PTCHD1: variants seen among roughly 807,000 people sequenced by gnomAD.
The protein encoded by PTCHD1 is patched domain containing 1.
In PTCHD1, 3 loss-of-function variants were observed where a neutral mutation model predicts 34.6. That is an observed-to-expected ratio of 0.09 (90% CI 0.04 to 0.22). The LOEUF is 0.22. PTCHD1 is among the 10% of genes least tolerant of loss of function. The probability of loss-of-function intolerance (pLI) is 1.00; values close to 1 mark genes in which losing one functional copy is unlikely to be tolerated. For synonymous variants in PTCHD1, 305 were observed against 283.1 expected (o/e 1.08, Z -0.77); for missense variants, 504 against 685.5 (o/e 0.74, Z 2.96).
rs1245864849 is a variant in PTCHD1 at position 23,393,204 on chromosome X, G to C, written c.1686G>C (p.Glu562Asp). ...YSPVIGFYIY[E>D]SIEYWNTSVQ... ...CTGTGATTGGGTTTTACATATATGA[G>C]TCTATAGAATACTGGAACACTAGTG... Residue 562 changes from glutamate (E) to aspartate (D), a missense_variant, in exon 3 of 3, where the codon GAG becomes GAC. Coordinates refer to ENST00000379361, the MANE Select transcript of PTCHD1 (RefSeq NM_173495.3). The C allele has an allele frequency of 8.3e-7, 1 of 1,207,912 alleles. No individual in the cohort carries two copies. The highest frequency in any genetic ancestry group is 1.7e-5 in the African/African-American group (1 of 57,143).
chrX:23,374,533 A>G (rs1272026398), intron 1 of PTCHD1, among the ~76,000 whole-genome samples: 2 of 110,699 alleles, frequency 1.8e-5, no homozygotes, highest in African/African-American at 6.6e-5. Flanking sequence ...GCTTTGTCCC[A>G]GGATCTGGCA....
intron 1 of PTCHD1, among the ~76,000 whole-genome samples, chrX:23,359,659 G>A (rs1322897020): frequency 9.0e-6 from 1 of 111,645 alleles, no homozygotes; most frequent in Non-Finnish European, 1.9e-5. Context: ...TTGCCTGATT[G>A]CCCTGGCCAG....
intron 1 of PTCHD1, among the ~76,000 whole-genome samples, chrX:23,360,510 T>A (rs1435971099): frequency 8.9e-6 from 1 of 112,066 alleles, no homozygotes; most frequent in African/African-American, 3.3e-5. Flanking sequence ...TTTATCATTT[T>A]TTAATGTGTC....
intron 2 of PTCHD1, among the ~76,000 whole-genome samples, chrX:23,385,993 G>T (rs1922678678): frequency 9.1e-6 from 1 of 110,145 alleles, no homozygotes; most frequent in Non-Finnish European, 1.9e-5. Context: ...TATATTGCTT[G>T]AATATTTAAA....
chrX:23,334,519 G>A (rs1452554470), upstream of PTCHD1: 41 of 109,060 alleles, frequency 3.8e-4, no homozygotes, highest in African/African-American at 1.2e-3. Context: ...GCGCTGAGAG[G>A]GGACGCGGCC....
At chrX:23,392,036 TC>T (rs1922841899) in intron 2 of PTCHD1, among the ~76,000 whole-genome samples, 1 of 106,471 alleles carries the variant, frequency 9.4e-6, no homozygotes, top group African/African-American at 3.5e-5. Context: ...TGTTTCATTT[TC>T]TTTCTTTTTT....
chrX:23,338,617 A>T (rs1362459290), intron 1 of PTCHD1, among the ~76,000 whole-genome samples: 1 of 112,364 alleles, frequency 8.9e-6, no homozygotes, highest in African/African-American at 3.2e-5. Flanking sequence ...ATCCCATTTT[A>T]CATATGAGAA....
intron 1 of PTCHD1, among the ~76,000 whole-genome samples, chrX:23,337,287 C>T (rs1007324757): frequency 1.3e-4 from 15 of 112,254 alleles, no homozygotes; most frequent in Non-Finnish European, 2.3e-4. Context: ...AAAACCAAGC[C>T]TAGCAGTGGT....
At position 23,393,558 on chromosome X, in the gene PTCHD1, C is replaced by T. The variant is rs1307620270; in HGVS notation, c.2040C>T (p.Ile680=). Residue 680 remains isoleucine, a synonymous_variant, in exon 3 of 3, where the codon ATC becomes ATT. Coordinates refer to ENST00000379361, the MANE Select transcript of PTCHD1 (RefSeq NM_173495.3). ...CTGTCACCTCCAAGGTGAAGTTCAT[C>T]GTCTTCAATCCGTCCTTTGTATACA... is the stretch of plus-strand genomic sequence containing the variant. ...RLSVTSKVKF[I]VFNPSFVYMD... 2 of 1,211,068 alleles carry T rather than the reference C, an allele frequency of 1.7e-6. No homozygotes were observed. The highest frequency in any genetic ancestry group is 3.0e-5 in the East Asian group (1 of 33,829).
chrX:23,348,749 T>C (rs1918557), intron 1 of PTCHD1, among the ~76,000 whole-genome samples: 31,981 of 110,761 alleles, frequency 0.29, 3,908 homozygotes, highest in East Asian at 0.66. Context: ...AGAAACTGAA[T>C]GAGTTCATCG....
Position 23,393,446 on chromosome X carries a change from T to A in PTCHD1, c.1928T>A (p.Val643Glu), listed in dbSNP as rs1922890814. 9.9e-6 allele frequency: 12 copies of A among 1,210,104 alleles called. No homozygotes were observed. Among genetic ancestry groups the A allele is most frequent in the Non-Finnish European group, 1.2e-5 (11 of 893,766 alleles). Residue 643 changes from valine to glutamate, a missense_variant, in exon 3 of 3, where the codon GTG becomes GAG. Transcript: ENST00000379361. ...AAATACAATGATGAGGTCGATGTAG[T>A]GGCCTCCAGAATGTTTTTGGTGGCC... The part of the protein sequence containing the change: ...SKKYNDEVDV[V>E]ASRMFLVAKT...
chrX:23,352,706 A>G (rs1921672165), intron 1 of PTCHD1, among the ~76,000 whole-genome samples: 1 of 111,369 alleles, frequency 9.0e-6, no homozygotes, highest in Non-Finnish European at 1.9e-5. Flanking sequence ...AGTAACTCAA[A>G]TATACTGTAC....
intron 1 of PTCHD1, among the ~76,000 whole-genome samples, chrX:23,364,749 CT>C (rs1455498867): frequency 8.9e-6 from 1 of 112,544 alleles, no homozygotes; most frequent in Non-Finnish European, 1.9e-5. Context: ...AAGATAGGGA[CT>C]TTCATCCAAC....
chrX:23,334,750 T>TCGC (rs1021562753), upstream of PTCHD1: 32 of 126,441 alleles, frequency 2.5e-4, no homozygotes, highest in East Asian at 1.6e-3. Context: ...GCTCAGGGTC[T>TCGC]CGCCGCCGCC....
At chrX:23,348,530 G>A (rs1255485628) in intron 1 of PTCHD1, among the ~76,000 whole-genome samples, 4 of 110,988 alleles carry the variant, frequency 3.6e-5, no homozygotes, top group Non-Finnish European at 7.6e-5. Flanking sequence ...AGACAAAGAG[G>A]AAATCTTGAA....
At chrX:23,390,426 C>T (rs1396167408) in intron 2 of PTCHD1, among the ~76,000 whole-genome samples, 1 of 110,475 alleles carries the variant, frequency 9.1e-6, no homozygotes, top group Non-Finnish European at 1.9e-5. Context: ...AGAATGGTTA[C>T]TTAATTAAAG....
rs755797261 is a variant in PTCHD1, at chrX:23,394,205, T to C, written c.*20T>C. Reference sequence around the variant, plus strand: ...GTGTGATAATGTCTGCTTGGCATATTTTCACCTTAGGTCTTATCAAGACCA... The same window carrying C: ...GTGTGATAATGTCTGCTTGGCATATCTTCACCTTAGGTCTTATCAAGACCA... On this transcript the variant is annotated 3_prime_UTR_variant, in exon 3 of 3. Transcript: ENST00000379361. 8 of 1,090,048 alleles carry C rather than the reference T, an allele frequency of 7.3e-6. No homozygotes were observed. In the Admixed American group the frequency reaches 1.8e-4, roughly 24 times the overall value. The allele number at this position is 1,090,048 out of a possible 1,213,427, so 89.8% of individuals were successfully genotyped here.
At chrX:23,358,108 G>A (rs750981206) in intron 1 of PTCHD1, among the ~76,000 whole-genome samples, 3 of 111,625 alleles carry the variant, frequency 2.7e-5, no homozygotes, top group South Asian at 3.8e-4. Context: ...GAATAGTGCC[G>A]CAATAAACAT....
chrX:23,385,210 C>A (rs184303921), intron 2 of PTCHD1, among the ~76,000 whole-genome samples: 1 of 111,773 alleles, frequency 8.9e-6, no homozygotes, highest in East Asian at 2.8e-4. Flanking sequence ...GCTTGTAATT[C>A]GTTCTTGCCC....
Sources: gnomAD v4.1 joint callset for allele counts (sites outside exome capture counted in the v4.1 genomes callset) on GRCh38, gnomAD v4.1.1 for gene constraint, MANE v1.5 for transcripts, NCBI Gene and HGNC (gene_info 2026-07-23, HGNC 2026-07-21) for gene names.